Variants in DUSP18 observed in about 807,000 individuals in gnomAD.
DUSP18 encodes the protein dual specificity phosphatase 18.
In DUSP18, 4 loss-of-function variants were observed where a neutral mutation model predicts 6.3. The ratio of observed to expected loss-of-function variants is 0.63; its 90% CI spans 0.31 to 1.45. DUSP18 has a LOEUF of 1.45. DUSP18 is among the 40% of genes most tolerant of loss of function. The probability of loss-of-function intolerance (pLI) is 0.07; values close to 1 mark genes in which losing one functional copy is unlikely to be tolerated. For synonymous variants in DUSP18, 96 were observed against 95.1 expected (o/e 1.01, Z -0.05); for missense variants, 235 against 247.7 (o/e 0.95, Z 0.34).
At chr22:30,655,806 T>C (rs1356022195) in intron 2 of DUSP18, among the ~76,000 whole-genome samples, 2 of 152,124 alleles carry the variant, frequency 1.3e-5, no homozygotes, top group Admixed American at 6.5e-5. Flanking sequence ...TTCCAGGGTC[T>C]GCCTGAAGTC....
At chr22:30,653,666 G>T (rs1033074835) in intron 2 of DUSP18, among the ~76,000 whole-genome samples, 1 of 151,820 alleles carries the variant, frequency 6.6e-6, no homozygotes, top group African/African-American at 2.4e-5. Context: ...GAGCCACCAC[G>T]CCTGGCCGCC....
chr22:30,654,510 G>A (rs896895511), intron 2 of DUSP18: 18 of 427,726 alleles, frequency 4.2e-5, no homozygotes, highest in Non-Finnish European at 5.6e-5. Context: ...ACCTTGAGGC[G>A]GTCTTGGGCG....
At chr22:30,654,688 T>C (rs2088298282) in intron 2 of DUSP18, 3 of 410,496 alleles carry the variant, frequency 7.3e-6, no homozygotes, top group South Asian at 1.9e-5. Flanking sequence ...TCTATAGACA[T>C]TGCCAGAAAT....
chr22:30,660,915 C>T (rs1027204989), downstream of DUSP18, among the ~76,000 whole-genome samples: 2 of 151,796 alleles, frequency 1.3e-5, no homozygotes, highest in Non-Finnish European at 2.9e-5. Flanking sequence ...TCTTGGCTCA[C>T]TGCAACCTCT....
rs768164376 is a variant in DUSP18 at position 30,663,637 on chromosome 22, G to T, written c.367C>A (p.His123Asn). The change falls in exon 2 of 2, where the codon CAC (histidine) becomes AAC (asparagine). Residue 123 changes from histidine to asparagine, a missense_variant. Physicochemically the swap from His to Asn is moderately conservative, Grantham distance 68 (BLOSUM62 1). Coordinates refer to ENST00000334679, the MANE Select transcript of DUSP18 (RefSeq NM_152511.5). ...ALCLAYLMKY[H>N]AMSLLDAHTW... ...TGGGCGTCCAGCAGGGACATGGCGT[G>T]GTACTTCATGAGGTAGGCGAGGCAC... 1 of 1,614,206 alleles carries T rather than the reference G, an allele frequency of 6.2e-7. No individual in the cohort carries two copies. Among genetic ancestry groups the T allele is most frequent in the Admixed American group, 1.7e-5 (1 of 60,018 alleles).
chr22:30,657,274 AAAACAC>A (rs775393873), downstream of DUSP18, among the ~76,000 whole-genome samples: 5 of 50,966 alleles, frequency 9.8e-5, no homozygotes, highest in Non-Finnish European at 1.4e-4. Context: ...GTCTCTACTA[AAAACAC>A]ACACACACAC....
rs9606762 is a variant in DUSP18 at position 30,662,831 on chromosome 22, A to G, written c.*606T>C. The G allele has an allele frequency of 0.062, 9,524 of 152,672 alleles. 482 individuals are homozygous for G. The highest frequency in any genetic ancestry group is 0.27 in the East Asian group (1,384 of 5,172). The allele number at this position is 152,672 out of a possible 1,614,324, so 9.5% of individuals were successfully genotyped here. A position where few individuals can be genotyped will look rare whatever the true frequency, so the allele number is the denominator to read the frequency against. Reference sequence around the variant, plus strand: ...GTGACAGAGCAGGACAGTTTCAAAAAAAGACAAAAAAAAATTTACACAGTG... The same window carrying G: ...GTGACAGAGCAGGACAGTTTCAAAAGAAGACAAAAAAAAATTTACACAGTG... On this transcript the variant is annotated 3_prime_UTR_variant, in exon 2 of 2. Transcript: ENST00000334679.
downstream of DUSP18, among the ~76,000 whole-genome samples, chr22:30,657,773 G>A (rs987928740): frequency 5.3e-5 from 8 of 151,236 alleles, no homozygotes; most frequent in Admixed American, 1.3e-4. Context: ...GTGTGGTGGC[G>A]GGCACCTGTA....
At chr22:30,660,376 T>C (rs1218659976), downstream of DUSP18, among the ~76,000 whole-genome samples, 1 of 152,092 alleles carries the variant, frequency 6.6e-6, no homozygotes, top group African/African-American at 2.4e-5. Context: ...CGATCTTGGC[T>C]CACTGCAGCC....
At chr22:30,664,514 C>G (rs1413002932) in intron 1 of DUSP18, among the ~76,000 whole-genome samples, 1 of 152,226 alleles carries the variant, frequency 6.6e-6, no homozygotes, top group Non-Finnish European at 1.5e-5. Flanking sequence ...TCCAGCCCCT[C>G]TGAGTGGGAA....
At chr22:30,665,490 C>T (rs1437104205) in intron 1 of DUSP18, 1 of 470,610 alleles carries the variant, frequency 2.1e-6, no homozygotes, top group African/African-American at 2.0e-5. Flanking sequence ...ATGAACCCAT[C>T]AGATCCTGAT....
At chr22:30,654,342 C>T in intron 2 of DUSP18, 1 of 463,934 alleles carries the variant, frequency 2.2e-6, no homozygotes, top group Non-Finnish European at 4.3e-6. Context: ...TCCTCTTCTC[C>T]TCCAGGGTGG....
downstream of DUSP18, among the ~76,000 whole-genome samples, chr22:30,658,477 G>C (rs903545648): frequency 2.6e-5 from 4 of 151,802 alleles, no homozygotes; most frequent in Non-Finnish European, 4.4e-5. Flanking sequence ...TCTGTCCAAA[G>C]CATCTGCAAT....
At chr22:30,656,212 A>C (rs1173949701) in intron 2 of DUSP18, among the ~76,000 whole-genome samples, 19 of 151,938 alleles carry the variant, frequency 1.3e-4, no homozygotes, top group Non-Finnish European at 1.5e-4. Context: ...CCCAGGCTCA[A>C]GTGATCCTCC....
intron 1 of DUSP18, chr22:30,666,876 T>A (rs1387318384): frequency 6.6e-6 from 1 of 152,020 alleles, no homozygotes; most frequent in Non-Finnish European, 1.5e-5. Flanking sequence ...TGGCATAGAG[T>A]AAGCCCTCTC....
downstream of DUSP18, among the ~76,000 whole-genome samples, chr22:30,661,092 C>T (rs537604698): frequency 1.3e-5 from 2 of 152,250 alleles, no homozygotes; most frequent in African/African-American, 4.8e-5. Flanking sequence ...CTGGCCACCT[C>T]GGCCTCCCAA....
At chr22:30,654,795 G>A (rs539944153) in intron 2 of DUSP18, 7 of 197,446 alleles carry the variant, frequency 3.5e-5, no homozygotes, top group South Asian at 3.2e-4. Flanking sequence ...ATTGAGCACC[G>A]GGACCTGCCC....
At chr22:30,655,677 C>T (rs930158579) in intron 2 of DUSP18, among the ~76,000 whole-genome samples, 6 of 152,226 alleles carry the variant, frequency 3.9e-5, no homozygotes, top group Non-Finnish European at 4.4e-5. Flanking sequence ...ATTTCAGTGT[C>T]ACAGCTGGGA....
chr22:30,663,677 G>A lies in DUSP18; in HGVS notation c.327C>T (p.Ser109=). ...RTLLHCAAGV[S]RSAALCLAYL... is the part of the protein sequence containing the mutation. ...AGGCGAGGCACAGGGCAGCTGAGCG[G>A]CTCACACCAGCAGCACAGTGCAGCA... The change falls in exon 2 of 2, where the codon AGC becomes AGT. Residue 109 remains serine, a synonymous_variant. Coordinates refer to ENST00000334679, the MANE Select transcript of DUSP18 (RefSeq NM_152511.5). 6.2e-7 allele frequency: 1 copy of A among 1,614,234 alleles called. No individual in the cohort carries two copies. The highest frequency in any genetic ancestry group is 2.2e-5 in the East Asian group (1 of 44,888).
Sources: allele counts gnomAD v4.1 joint callset (sites outside exome capture counted in the v4.1 genomes callset), GRCh38; gene constraint gnomAD v4.1.1; transcripts MANE v1.5; gene names NCBI Gene and HGNC (gene_info 2026-07-23, HGNC 2026-07-21).